Variants in CRYBG1 observed in about 807,000 individuals in gnomAD.
CRYBG1 encodes beta/gamma crystallin domain-containing protein 1.
A neutral mutation model predicts 189.2 loss-of-function variants in CRYBG1; 139 were observed. That is an observed-to-expected ratio of 0.73 (90% CI 0.64 to 0.85). CRYBG1 has a LOEUF of 0.85. Among genes scored for constraint, CRYBG1 ranks in the 40% least tolerant of loss-of-function variants. CRYBG1 has a pLI of 0.00. For synonymous variants in CRYBG1, 1,023 were observed against 1,017.1 expected, an observed-to-expected ratio of 1.01 and a Z score of -0.11; for missense variants, 2,611 against 2,675.8, an observed-to-expected ratio of 0.98 and a Z score of 0.53.
At chr6:106,380,042 C>G (rs6919090) in intron 1 of CRYBG1, among the ~76,000 whole-genome samples, 4 of 151,996 alleles carry the variant, frequency 2.6e-5, no homozygotes, top group African/African-American at 9.7e-5. Context: ...TGAAATACAC[C>G]GTCTCTAGGG....
rs117080875 is a variant in CRYBG1 at position 106,478,515 on chromosome 6, T to C, written c.312+26683T>C. ...TGACATTTGGCAGCACACAAATCAA[T>C]GGAAAGTGTGTCCACATCGAAGGTA... is the stretch of plus-strand genomic sequence containing the variant. On this transcript the variant is annotated intron_variant, in intron 2 of 21. Coordinates refer to ENST00000633556, the MANE Select transcript of CRYBG1 (RefSeq NM_001371242.2). Among the ~76,000 whole-genome samples the C allele has an allele frequency of 5.3e-4, 81 of 152,354 alleles. No homozygotes were observed. In the East Asian group the frequency reaches 0.014, roughly 26 times the overall value.
intron 1 of CRYBG1, among the ~76,000 whole-genome samples, chr6:106,389,733 C>A (rs532134527): frequency 6.6e-6 from 1 of 151,830 alleles, no homozygotes; most frequent in Non-Finnish European, 1.5e-5. Context: ...GAGTCTTTTT[C>A]GGTAGTTGCT....
At chr6:106,423,697 T>A (rs1407836645) in intron 1 of CRYBG1, among the ~76,000 whole-genome samples, 1 of 22,686 alleles carries the variant, frequency 4.4e-5, no homozygotes, top group African/African-American at 1.4e-4. Context: ...TCCCTCCCCT[T>A]TTTTTTTTTT....
chr6:106,524,145 A>G (rs1773675477), intron 4 of CRYBG1, among the ~76,000 whole-genome samples: 1 of 152,192 alleles, frequency 6.6e-6, no homozygotes, highest in Admixed American at 6.5e-5. Flanking sequence ...CACGTTTTGT[A>G]ATATTTTTAC....
intron 1 of CRYBG1, among the ~76,000 whole-genome samples, chr6:106,408,394 C>T: frequency 6.6e-6 from 1 of 151,946 alleles, no homozygotes; most frequent in East Asian, 1.9e-4. Flanking sequence ...GCCTACCAAC[C>T]AAAAAAGCCT....
chr6:106,395,186 G>A (rs75293105), intron 1 of CRYBG1, among the ~76,000 whole-genome samples: 12,284 of 151,784 alleles, frequency 0.081, 642 homozygotes, highest in East Asian at 0.15. Flanking sequence ...CTTGAGCTCA[G>A]GAGTTTGAGA....
chr6:106,469,874 GC>G (rs1772194822), intron 2 of CRYBG1, among the ~76,000 whole-genome samples: 1 of 152,196 alleles, frequency 6.6e-6, no homozygotes, highest in Admixed American at 6.5e-5. Context: ...CTGCCCCAAG[GC>G]CCATGAAGAC....
chr6:106,443,645 C>G (rs960758614), intron 1 of CRYBG1, among the ~76,000 whole-genome samples: 7 of 152,326 alleles, frequency 4.6e-5, no homozygotes, highest in African/African-American at 1.7e-4. Context: ...TCAAAGATGA[C>G]TCCTCAGAGT....
chr6:106,422,550 A>T (rs113339900), intron 1 of CRYBG1, among the ~76,000 whole-genome samples: 13 of 133,294 alleles, frequency 9.8e-5, no homozygotes, highest in African/African-American at 4.0e-4. Flanking sequence ...CCAGGCTGAT[A>T]TTGAACTTCT....
chr6:106,439,522 C>T (rs532064387), intron 1 of CRYBG1, among the ~76,000 whole-genome samples: 2 of 152,240 alleles, frequency 1.3e-5, no homozygotes, highest in East Asian at 3.9e-4. Context: ...GTCTTGACTG[C>T]AGGAATAAAA....
chr6:106,460,368 T>C (rs1365752356), intron 2 of CRYBG1, among the ~76,000 whole-genome samples: 1 of 152,214 alleles, frequency 6.6e-6, no homozygotes, highest in Non-Finnish European at 1.5e-5. Context: ...TCTTTGCTCA[T>C]TTTTGTATTG....
intron 1 of CRYBG1, among the ~76,000 whole-genome samples, chr6:106,381,001 A>G (rs892102180): frequency 6.6e-6 from 1 of 152,200 alleles, no homozygotes; most frequent in Non-Finnish European, 1.5e-5. Context: ...TGCAAAAATT[A>G]TGTGTTTATT....
chr6:106,454,481 C>T (rs149632690), intron 2 of CRYBG1, among the ~76,000 whole-genome samples: 19 of 152,326 alleles, frequency 1.2e-4, no homozygotes, highest in Non-Finnish European at 2.2e-4. Flanking sequence ...AGGGGCACCT[C>T]CCATACATTC....
intron 1 of CRYBG1, among the ~76,000 whole-genome samples, chr6:106,381,639 T>C (rs1770291840): frequency 6.6e-6 from 1 of 152,244 alleles, no homozygotes; most frequent in African/African-American, 2.4e-5. Context: ...AAATAGAGGT[T>C]GATCCTCTTG....
In CRYBG1 at chr6:106,519,938, A is replaced by G; in HGVS notation, c.2730A>G (p.Gly910=). The change falls in exon 4 of 22, where the codon GGA becomes GGG. Residue 910 remains glycine, a synonymous_variant. Coordinates refer to ENST00000633556, the MANE Select transcript of CRYBG1 (RefSeq NM_001371242.2). ...TAAAAGTGTCAGAAAACCATAAAGG[A>G]TGTGTTTTGCCTGTGTCTCGTCAGA... The part of the protein sequence containing the change: ...TDLKVSENHK[G]CVLPVSRQNN... The G allele has an allele frequency of 2.5e-6, 4 of 1,614,166 alleles. No homozygotes were observed. Among genetic ancestry groups the G allele is most frequent in the Non-Finnish European group, 3.4e-6 (4 of 1,180,026 alleles).
intron 2 of CRYBG1, among the ~76,000 whole-genome samples, chr6:106,505,343 C>T (rs576179735): frequency 7.9e-5 from 12 of 152,240 alleles, no homozygotes; most frequent in Middle Eastern, 3.4e-3. Context: ...ATCTGCCCAC[C>T]TTGGCTTCCC....
At chr6:106,402,246 C>T (rs1770733871) in intron 1 of CRYBG1, among the ~76,000 whole-genome samples, 1 of 108,708 alleles carries the variant, frequency 9.2e-6, no homozygotes. Context: ...GGATTCAATG[C>T]CATCCCCATC....
chr6:106,566,272 A>G (rs569465857), intron 21 of CRYBG1, among the ~76,000 whole-genome samples: 45 of 152,014 alleles, frequency 3.0e-4, no homozygotes, highest in Non-Finnish European at 5.1e-4. Context: ...GCGGACCAGA[A>G]GGAAGGACAC....
Position 106,558,731 on chromosome 6 carries a change from G to C in CRYBG1, c.5855+106G>C, listed in dbSNP as rs1774622858. 3 of 839,612 alleles carry C rather than the reference G, an allele frequency of 3.6e-6. No individual in the cohort carries two copies. The African/African-American group carries it at 5.3e-5, about 15-fold the overall frequency. The allele number at this position is 839,612 out of a possible 1,614,324, so 52.0% of individuals were successfully genotyped here. A position where few individuals can be genotyped will look rare whatever the true frequency, so the allele number is the denominator to read the frequency against. On this transcript the variant is annotated intron_variant, in intron 18 of 21. Coordinates refer to ENST00000633556, the MANE Select transcript of CRYBG1 (RefSeq NM_001371242.2). ...TATTCCCAACACTTTAGGAGGCCGA[G>C]GTAGAAGGATCATTTGAATCCAGGG...
Sources: gnomAD v4.1 joint callset for allele counts (sites outside exome capture counted in the v4.1 genomes callset) on GRCh38, gnomAD v4.1.1 for gene constraint, MANE v1.5 for transcripts, NCBI Gene and HGNC (gene_info 2026-07-23, HGNC 2026-07-21) for gene names.